Variants in LRMDA observed in about 807,000 individuals in gnomAD.
LRMDA encodes leucine-rich melanocyte differentiation-associated protein.
A neutral mutation model predicts 29.8 loss-of-function variants in LRMDA; 18 were observed. That is an observed-to-expected ratio of 0.60 (90% CI 0.42 to 0.90). The LOEUF is 0.90. Ranked by LOEUF, LRMDA falls within the 40% of genes least tolerant of loss-of-function variation. The probability of loss-of-function intolerance (pLI) is 0.00; values close to 1 mark genes in which losing one functional copy is unlikely to be tolerated. For synonymous variants in LRMDA, 125 were observed against 109.4 expected, an observed-to-expected ratio of 1.14 and a Z score of -0.89; for missense variants, 273 against 273.9, an observed-to-expected ratio of 1.00 and a Z score of 0.02.
intron 2 of LRMDA, among the ~76,000 whole-genome samples, chr10:75,695,093 A>G (rs1254854654): frequency 6.6e-6 from 1 of 152,124 alleles, no homozygotes; most frequent in Non-Finnish European, 1.5e-5. Flanking sequence ...TCGAGGTCTC[A>G]CTGACCATTT....
At chr10:75,773,945 A>T (rs1322942687) in intron 2 of LRMDA, among the ~76,000 whole-genome samples, 1 of 152,194 alleles carries the variant, frequency 6.6e-6, no homozygotes, top group African/African-American at 2.4e-5. Flanking sequence ...TGAGTCTGTA[A>T]GTTCCTTTAA....
chr10:75,503,743 T>C (rs1005058798), intron 2 of LRMDA, among the ~76,000 whole-genome samples: 2 of 152,074 alleles, frequency 1.3e-5, no homozygotes, highest in African/African-American at 4.8e-5. Context: ...AGTAGTTATA[T>C]TGGGAATAAA....
chr10:75,990,073 G>C (rs986727574), intron 2 of LRMDA, among the ~76,000 whole-genome samples: 4 of 152,154 alleles, frequency 2.6e-5, no homozygotes, highest in Non-Finnish European at 4.4e-5. Flanking sequence ...CATTAAGACA[G>C]GTGACACAAG....
At chr10:75,563,920 T>C (rs1840334303) in intron 2 of LRMDA, among the ~76,000 whole-genome samples, 2 of 152,308 alleles carry the variant, frequency 1.3e-5, no homozygotes, top group African/African-American at 4.8e-5. Context: ...CCCGGCCGTG[T>C]GAGGTGTCAG....
At chr10:75,691,535 GC>G (rs1842156649) in intron 2 of LRMDA, among the ~76,000 whole-genome samples, 1 of 152,080 alleles carries the variant, frequency 6.6e-6, no homozygotes, top group Admixed American at 6.6e-5. Flanking sequence ...AGCACAAAAG[GC>G]ATGTGGTTCT....
intron 5 of LRMDA, among the ~76,000 whole-genome samples, chr10:76,175,113 C>G (rs1850909335): frequency 6.6e-6 from 1 of 152,088 alleles, no homozygotes; most frequent in African/African-American, 2.4e-5. Flanking sequence ...CAGAGCGAGA[C>G]TTCATCTCCA....
At chr10:75,924,255 T>C (rs1325179316) in intron 2 of LRMDA, among the ~76,000 whole-genome samples, 1 of 152,222 alleles carries the variant, frequency 6.6e-6, no homozygotes, top group Admixed American at 6.5e-5. Context: ...CAACATCATA[T>C]TAAGCACAAC....
intron 2 of LRMDA, among the ~76,000 whole-genome samples, chr10:75,462,570 A>T (rs1844600083): frequency 6.6e-6 from 1 of 152,222 alleles, no homozygotes; most frequent in African/African-American, 2.4e-5. Context: ...AATTACTCAG[A>T]GAGGGGATCC....
intron 5 of LRMDA, among the ~76,000 whole-genome samples, chr10:76,230,670 T>G (rs1852042859): frequency 6.6e-6 from 1 of 152,172 alleles, no homozygotes; most frequent in African/African-American, 2.4e-5. Context: ...TTATCTGAGC[T>G]GTCTTGCAAT....
chr10:75,438,540 C>A, intron 2 of LRMDA, 46 bp downstream of exon 2: 1 of 1,443,460 alleles, frequency 6.9e-7, no homozygotes, highest in South Asian at 1.2e-5. Flanking sequence ...GAGGCCCAGT[C>A]CTCCTGGGTA....
At chr10:75,716,932 G>A (rs948252284) in intron 2 of LRMDA, among the ~76,000 whole-genome samples, 1 of 152,194 alleles carries the variant, frequency 6.6e-6, no homozygotes, top group African/African-American at 2.4e-5. Flanking sequence ...TCAGTCTTGT[G>A]TGTGATTAGC....
chr10:76,255,513 A>G (rs16933111), intron 5 of LRMDA, among the ~76,000 whole-genome samples: 2,161 of 152,332 alleles, frequency 0.014, 34 homozygotes, highest in African/African-American at 0.046. Context: ...ACATGGCTAC[A>G]TATCATTCTT....
At chr10:75,542,015 A>G (rs1840023520) in intron 2 of LRMDA, among the ~76,000 whole-genome samples, 1 of 152,218 alleles carries the variant, frequency 6.6e-6, no homozygotes. Flanking sequence ...GCAGCTGGGC[A>G]TTTAATCTCC....
chr10:75,509,114 C>G (rs1845198818), intron 2 of LRMDA, among the ~76,000 whole-genome samples: 1 of 152,132 alleles, frequency 6.6e-6, no homozygotes, highest in Non-Finnish European at 1.5e-5. Context: ...TCAGACTCGA[C>G]CAGGTGTTTT....
At chr10:75,870,898 G>A (rs188093291) in intron 2 of LRMDA, among the ~76,000 whole-genome samples, 30 of 151,926 alleles carry the variant, frequency 2.0e-4, no homozygotes, top group Admixed American at 5.9e-4. Flanking sequence ...TGCTCTTCTC[G>A]TGTTCACTTC....
intron 6 of LRMDA, among the ~76,000 whole-genome samples, chr10:76,500,079 G>T (rs1842900088): frequency 1.3e-5 from 1 of 74,430 alleles, no homozygotes; most frequent in African/African-American, 3.3e-5. Context: ...TTGTTTTGTT[G>T]CCAAGGCTGA....
At chr10:75,765,006 A>C (rs2132230479) in intron 2 of LRMDA, among the ~76,000 whole-genome samples, 1 of 150,970 alleles carries the variant, frequency 6.6e-6, no homozygotes, top group South Asian at 2.1e-4. Context: ...CATGATCTTT[A>C]GTTTAATAAT....
chr10:75,705,429 G>A (rs1202213331), intron 2 of LRMDA, among the ~76,000 whole-genome samples: 1 of 152,204 alleles, frequency 6.6e-6, no homozygotes, highest in Non-Finnish European at 1.5e-5. Context: ...ATCTCCAGCT[G>A]TCCTCAATGG....
At chr10:75,701,533 A>G (rs770707555) in intron 2 of LRMDA, among the ~76,000 whole-genome samples, 6 of 152,208 alleles carry the variant, frequency 3.9e-5, no homozygotes, top group Non-Finnish European at 5.9e-5. Flanking sequence ...AGATCTAATA[A>G]TGCACTCATC....
Sources: allele counts gnomAD v4.1 joint callset (sites outside exome capture counted in the v4.1 genomes callset), GRCh38; gene constraint gnomAD v4.1.1; transcripts MANE v1.5; gene names NCBI Gene and HGNC (gene_info 2026-07-23, HGNC 2026-07-21).